Variants in TOM1L2 observed in about 807,000 individuals in gnomAD.
TOM1L2 encodes the protein target of myb1 like 2 membrane trafficking protein, also known as TOM1-like protein 2.
TOM1L2 carries 31 observed loss-of-function variants against 67.9 expected under a neutral mutation model. That is an observed-to-expected ratio of 0.46 (90% CI 0.34 to 0.62). The LOEUF (loss-of-function observed/expected upper bound fraction) is 0.62. Ranked by LOEUF, TOM1L2 falls within the 20% of genes least tolerant of loss-of-function variation. The probability of loss-of-function intolerance (pLI) is 0.01; values close to 1 mark genes in which losing one functional copy is unlikely to be tolerated. For synonymous variants in TOM1L2, 256 were observed against 254.0 expected, an observed-to-expected ratio of 1.01 and a Z score of -0.07; for missense variants, 606 against 663.5, an observed-to-expected ratio of 0.91 and a Z score of 0.95.
intron 2 of TOM1L2, among the ~76,000 whole-genome samples, chr17:17,904,196 G>C (rs1354389983): frequency 6.6e-6 from 1 of 152,104 alleles, no homozygotes. Flanking sequence ...GAATCACTGA[G>C]GTGCTCTCAC....
intron 5 of TOM1L2, among the ~76,000 whole-genome samples, chr17:17,883,715 C>A (rs1281062902): frequency 6.6e-6 from 1 of 152,046 alleles, no homozygotes; most frequent in East Asian, 1.9e-4. Flanking sequence ...GCCTGGGCGA[C>A]ACAGCAAGAC....
intron 1 of TOM1L2, among the ~76,000 whole-genome samples, chr17:17,952,639 C>CCAGCCT: frequency 6.6e-6 from 1 of 152,036 alleles, no homozygotes; most frequent in Admixed American, 6.6e-5. Context: ...AGGAGATCCT[C>CCAGCCT]CAGCCTCAGC....
chr17:17,962,324 ATTT>A (rs35022332), intron 1 of TOM1L2, among the ~76,000 whole-genome samples: 2 of 146,456 alleles, frequency 1.4e-5, no homozygotes, highest in Admixed American at 6.8e-5. Flanking sequence ...ATTGTTGCAT[ATTT>A]TTTTTTTTTT....
At chr17:17,928,992 T>G (rs1018592278) in intron 1 of TOM1L2, among the ~76,000 whole-genome samples, 7 of 152,198 alleles carry the variant, frequency 4.6e-5, no homozygotes, top group African/African-American at 1.7e-4. Context: ...AAAATCCCAT[T>G]TTGTTTTGCA....
chr17:17,937,550 G>T (rs1015271767), intron 1 of TOM1L2, among the ~76,000 whole-genome samples: 100 of 152,278 alleles, frequency 6.6e-4, no homozygotes, highest in African/African-American at 2.3e-3. Flanking sequence ...CACCAGTGGG[G>T]GAGGGCCTTT....
intron 1 of TOM1L2, among the ~76,000 whole-genome samples, chr17:17,913,078 T>C (rs1339743611): frequency 2.0e-5 from 3 of 151,354 alleles, no homozygotes; most frequent in African/African-American, 7.3e-5. Flanking sequence ...TCGCAGGCAC[T>C]CGGCAGGCTG....
chr17:17,923,113 G>A (rs1347773566), intron 1 of TOM1L2, among the ~76,000 whole-genome samples: 2 of 152,184 alleles, frequency 1.3e-5, no homozygotes, highest in African/African-American at 4.8e-5. Flanking sequence ...AAGCCACAGT[G>A]TTGGCTGGGC....
intron 1 of TOM1L2, among the ~76,000 whole-genome samples, chr17:17,919,490 C>A (rs2039763316): frequency 6.6e-6 from 1 of 152,196 alleles, no homozygotes; most frequent in South Asian, 2.1e-4. Context: ...GAAGGAAGCC[C>A]CCAAACTTGG....
intron 12 of TOM1L2, 103 bp downstream of exon 12, chr17:17,861,373 C>T (rs1225391679): frequency 9.6e-6 from 11 of 1,140,754 alleles, no homozygotes; most frequent in South Asian, 9.3e-5. Flanking sequence ...GTCCCTGCCC[C>T]CTGTGCAAGC....
intron 7 of TOM1L2, 61 bp from the exon 8 acceptor site, chr17:17,869,534 C>T (rs2143844352): frequency 6.5e-7 from 1 of 1,529,586 alleles, no homozygotes; most frequent in Non-Finnish European, 8.8e-7. Flanking sequence ...CATTCTATCT[C>T]CTTTGAAAAA....
chr17:17,880,574 G>A (rs1445216552), intron 6 of TOM1L2, among the ~76,000 whole-genome samples: 1 of 152,178 alleles, frequency 6.6e-6, no homozygotes. Flanking sequence ...CTGCATAGAG[G>A]TGGCTACTGG....
rs1598179892 is a variant in TOM1L2, at chr17:17,854,156, A to G, written c.1279-3204T>C. Among the ~76,000 whole-genome samples the G allele has an allele frequency of 2.0e-5, 3 of 152,360 alleles. No homozygotes were observed. In the South Asian group the frequency reaches 6.2e-4, roughly 32 times the overall value. On this transcript the variant is annotated intron_variant, in intron 12 of 14. Coordinates refer to ENST00000379504, the MANE Select transcript of TOM1L2 (RefSeq NM_001082968.2). ...GCTATCTAAACCTCTTGTCCTGGTA[A>G]ATAAATGCCTTGAGTATTATAACAG...
At chr17:17,889,266 G>C (rs2038151945) in intron 4 of TOM1L2, among the ~76,000 whole-genome samples, 1 of 152,234 alleles carries the variant, frequency 6.6e-6, no homozygotes, top group East Asian at 1.9e-4. Context: ...GTAGGCATCA[G>C]CTGGATTCTC....
intron 7 of TOM1L2, among the ~76,000 whole-genome samples, chr17:17,877,863 C>A (rs1482880798): frequency 6.6e-6 from 1 of 151,494 alleles, no homozygotes; most frequent in Non-Finnish European, 1.5e-5. Context: ...TTTGTCTTGG[C>A]TGATGGGCTT....
rs1419756033 is a variant in TOM1L2 at position 17,845,865 on chromosome 17, CAG to C, written c.*1768_*1769del. On this transcript the variant is annotated 3_prime_UTR_variant, in exon 15 of 15. Coordinates refer to ENST00000379504, the MANE Select transcript of TOM1L2 (RefSeq NM_001082968.2). ...CCCAGGCAGGTGTGGCATGTGCTGC[CAG>C]AGAGGACAGGGCTAGAATCAGGCTG... 2.0e-5 allele frequency: 3 copies of C among 152,438 alleles called. No homozygotes were observed. The highest frequency in any genetic ancestry group is 7.2e-5 in the African/African-American group (3 of 41,448). The allele number at this position is 152,438 out of a possible 1,614,324, so 9.4% of individuals were successfully genotyped here.
At chr17:17,907,627 C>T in intron 1 of TOM1L2, 96 bp from the exon 2 acceptor site, 1 of 1,057,522 alleles carries the variant, frequency 9.5e-7, no homozygotes. Flanking sequence ...CATTCTTCTC[C>T]CAAGCAGATG....
intron 2 of TOM1L2, among the ~76,000 whole-genome samples, chr17:17,904,510 G>A (rs1194790966): frequency 2.0e-5 from 3 of 152,166 alleles, no homozygotes; most frequent in East Asian, 3.9e-4. Context: ...TGGAGCTGCC[G>A]AGGGGTCTGG....
intron 1 of TOM1L2, among the ~76,000 whole-genome samples, chr17:17,970,625 G>A (rs2042031613): frequency 6.6e-6 from 1 of 152,118 alleles, no homozygotes; most frequent in Non-Finnish European, 1.5e-5. Context: ...CAAGAGACAA[G>A]ATGTCAAAAA....
At position 17,847,396 on chromosome 17, in the gene TOM1L2, AG is replaced by A; in HGVS notation, c.*238del. 1 of 563,546 alleles carries A rather than the reference AG, an allele frequency of 1.8e-6. No homozygotes were observed. Among genetic ancestry groups the A allele is most frequent in the African/African-American group, 1.9e-5 (1 of 52,928 alleles). The allele number at this position is 563,546 out of a possible 1,614,324, so 34.9% of individuals were successfully genotyped here. The stretch of plus-strand genomic sequence containing the variant: ...TCTTCCTGGGAGGAAACATGGGCAG[AG>A]GGGCCCATGGTGGGAGGGGAGAGAG... On this transcript the variant is annotated 3_prime_UTR_variant, in exon 15 of 15. Coordinates refer to ENST00000379504, the MANE Select transcript of TOM1L2 (RefSeq NM_001082968.2).
Sources: allele counts gnomAD v4.1 joint callset (sites outside exome capture counted in the v4.1 genomes callset), GRCh38; gene constraint gnomAD v4.1.1; transcripts MANE v1.5; gene names NCBI Gene and HGNC (gene_info 2026-07-23, HGNC 2026-07-21).